Variants in IFI16 observed in about 807,000 individuals in gnomAD.
IFI16 encodes gamma-interferon-inducible protein 16.
In IFI16, 49 loss-of-function variants were observed where a neutral mutation model predicts 68.4. The observed-to-expected ratio is 0.72, with a 90% CI of 0.57 to 0.91. The LOEUF (loss-of-function observed/expected upper bound fraction) is 0.91, where lower values mean the gene tolerates loss of function less well. Among genes scored for constraint, IFI16 ranks in the 40% least tolerant of loss-of-function variants. The pLI is 0.00. For synonymous variants in IFI16, 307 were observed against 315.0 expected (o/e 0.97, Z 0.27); for missense variants, 878 against 942.9 (o/e 0.93, Z 0.90).
chr1:159,006,037 C>G (rs910123774), upstream of IFI16: 1 of 152,342 alleles, frequency 6.6e-6, no homozygotes, highest in Admixed American at 6.5e-5. Context: ...AAGACTGCCT[C>G]CTGTGTAAGT....
In IFI16 at chr1:159,051,807, A is replaced by G; in HGVS notation, c.1794A>G (p.Lys598=). The G allele has an allele frequency of 6.2e-7, 1 of 1,614,160 alleles. No homozygotes were observed. The highest frequency in any genetic ancestry group is 8.5e-7 in the Non-Finnish European group (1 of 1,179,982). Reference sequence around the variant, plus strand: ...TATATGAGCCCAAAGAGCAGAAGAAAATGTTTCATGCCACAGTGGCAACTG... The same window carrying G: ...TATATGAGCCCAAAGAGCAGAAGAAGATGTTTCATGCCACAGTGGCAACTG... ...SFVYEPKEQK[K]MFHATVATEN... is the part of the protein sequence containing the mutation. Residue 598 remains lysine (K), a synonymous_variant, in exon 10 of 12, where the codon AAA becomes AAG. Transcript: ENST00000295809.
Position 159,016,690 on chromosome 1 carries a change from C to G in IFI16, c.539C>G (p.Ser180Cys). 1 of 1,613,296 alleles carries G rather than the reference C, an allele frequency of 6.2e-7. No homozygotes were observed. Among genetic ancestry groups the G allele is most frequent in the Non-Finnish European group, 8.5e-7 (1 of 1,179,658 alleles). The change falls in exon 4 of 12, where the codon TCT becomes TGT. Residue 180 changes from serine (S) to cysteine (C), a missense_variant. By Grantham distance (112) the Ser-to-Cys change is moderately radical (BLOSUM62 -1). Around this residue, in one of 4 missense-constraint regions of IFI16, gnomAD observed 443 missense variants for 421.8 expected, o/e 1.05. Transcript: ENST00000295809. ...TCATTGTCAGCTCCACCCAACAGTT[C>G]TTCAACTGAGGTACACTCTTCCTGG... ...KTSLSAPPNSSSTENPKTVAK... is the reference protein window; with the variant it reads ...KTSLSAPPNSCSTENPKTVAK...
intron 5 of IFI16, among the ~76,000 whole-genome samples, chr1:159,018,988 C>T (rs1299596609): frequency 6.6e-6 from 1 of 152,138 alleles, no homozygotes; most frequent in South Asian, 2.1e-4. Context: ...CTAAGTTTAT[C>T]CCTTTGATTA....
intron 7 of IFI16, among the ~76,000 whole-genome samples, chr1:159,042,354 A>T (rs191941829): frequency 4.3e-4 from 66 of 152,256 alleles, no homozygotes; most frequent in Non-Finnish European, 7.9e-4. Context: ...AATAGGAATA[A>T]TTGCTATTTT....
intron 7 of IFI16, among the ~76,000 whole-genome samples, chr1:159,044,374 A>G (rs1654852538): frequency 6.6e-6 from 1 of 152,168 alleles, no homozygotes; most frequent in South Asian, 2.1e-4. Context: ...TTTTTAAACA[A>G]TTTTGAAAAT....
upstream of IFI16, among the ~76,000 whole-genome samples, chr1:159,008,237 A>G (rs895434058): frequency 1.3e-5 from 2 of 152,192 alleles, no homozygotes; most frequent in African/African-American, 4.8e-5. Flanking sequence ...AGTCACTGTA[A>G]TAATGTAGCT....
rs143730717 is a variant in IFI16 at position 159,028,406 on chromosome 1, T to C, written c.1162-4118T>C. On this transcript the variant is annotated intron_variant, in intron 6 of 11. Transcript: ENST00000295809. ...ATATAATTTCAATTTTTTTTTTAAA[T>C]TTTTGAGACTTGTTTTGTGGCCTAT... Among the ~76,000 whole-genome samples, 520 of 152,272 alleles carry C rather than the reference T, an allele frequency of 3.4e-3. 2 individuals are homozygous for C. The highest frequency in any genetic ancestry group is 0.011 in the African/African-American group (458 of 41,558).
At chr1:159,016,820 G>T in intron 4 of IFI16, 120 bp downstream of exon 4, 1 of 851,892 alleles carries the variant, frequency 1.2e-6, no homozygotes, top group South Asian at 1.7e-5. Context: ...TACATATTGA[G>T]AAACCACTAC....
At chr1:159,041,348 C>T (rs992680208) in intron 7 of IFI16, among the ~76,000 whole-genome samples, 4 of 152,150 alleles carry the variant, frequency 2.6e-5, no homozygotes, top group East Asian at 3.9e-4. Context: ...AGAATCTTGA[C>T]GATTTCAGTT....
At chr1:159,018,156 G>A (rs1653054984) in intron 4 of IFI16, 73 bp from the exon 5 acceptor site, 5 of 1,306,988 alleles carry the variant, frequency 3.8e-6, no homozygotes. Flanking sequence ...GTGTTATACT[G>A]AGGTCACTGA....
At chr1:159,033,164 T>A (rs1268676304) in intron 7 of IFI16, among the ~76,000 whole-genome samples, 1 of 152,164 alleles carries the variant, frequency 6.6e-6, no homozygotes, top group Non-Finnish European at 1.5e-5. Flanking sequence ...CTGGTGAGAA[T>A]CTCCTTAAAT....
In IFI16 at chr1:159,018,220, C is replaced by G. The variant is rs1402056311; in HGVS notation, c.550-9C>G. ...ATTTTTCTTTGTTCTCCTGTGCTAT[C>G]ATACACAGAACCCGAAAACAGTGGC... On this transcript the variant is annotated splice_polypyrimidine_tract_variant and intron_variant, in intron 4 of 11. Coordinates refer to ENST00000295809, the MANE Select transcript of IFI16 (RefSeq NM_001376587.1). 4 of 1,610,666 alleles carry G rather than the reference C, an allele frequency of 2.5e-6. No individual in the cohort carries two copies. In the Admixed American group the frequency reaches 6.7e-5, roughly 27 times the overall value.
intron 7 of IFI16, among the ~76,000 whole-genome samples, chr1:159,044,512 A>T (rs936414214): frequency 4.6e-5 from 7 of 152,268 alleles, no homozygotes; most frequent in Admixed American, 2.6e-4. Flanking sequence ...CTCTCTATCA[A>T]CAATTGCCAC....
At chr1:159,017,947 T>C (rs546216741) in intron 4 of IFI16, among the ~76,000 whole-genome samples, 37 of 152,360 alleles carry the variant, frequency 2.4e-4, no homozygotes, top group African/African-American at 8.2e-4. Context: ...TGGCTTTCAG[T>C]ATCCACTGGT....
chr1:159,021,923 T>A (rs183456167), intron 6 of IFI16, among the ~76,000 whole-genome samples: 111 of 150,102 alleles, frequency 7.4e-4, no homozygotes, highest in African/African-American at 2.6e-3. Flanking sequence ...TCTATTCATG[T>A]CCTTAGCCCT....
chr1:159,051,655 A>C lies in IFI16; in HGVS notation c.1666-24A>C, dbSNP rs3737522. The C allele has an allele frequency of 1.9e-6, 3 of 1,580,968 alleles. No individual in the cohort carries two copies. In the South Asian group the frequency reaches 3.4e-5, roughly 18 times the overall value. On this transcript the variant is annotated intron_variant, in intron 9 of 11. Transcript: ENST00000295809. ...TGTTTTTCCTGTTTTAATTGTGCCT[A>C]TGTTTTGGTCTCTACCTTCTAAGTT...
intron 7 of IFI16, among the ~76,000 whole-genome samples, chr1:159,041,545 T>A (rs551725815): frequency 2.0e-5 from 3 of 152,254 alleles, no homozygotes; most frequent in African/African-American, 4.8e-5. Flanking sequence ...TTATAAATAC[T>A]CCTCAGTTTG....
intron 10 of IFI16, 166 bp from the exon 11 acceptor site, chr1:159,053,367 G>A (rs1388709978): frequency 2.3e-6 from 1 of 442,260 alleles, no homozygotes; most frequent in African/African-American, 2.0e-5. Context: ...TTGAAAGGCA[G>A]GATTCAAAGA....
At chr1:159,001,600 G>C (rs912507715), upstream of IFI16, among the ~76,000 whole-genome samples, 2 of 152,082 alleles carry the variant, frequency 1.3e-5, no homozygotes, top group Non-Finnish European at 2.9e-5. Context: ...TCTTACCAGT[G>C]AAAGAAAAGA....
Sources: allele counts gnomAD v4.1 joint callset (sites outside exome capture counted in the v4.1 genomes callset), GRCh38; gene constraint gnomAD v4.1.1; regional missense constraint gnomAD v4.1.1; transcripts MANE v1.5; gene names NCBI Gene and HGNC (gene_info 2026-07-23, HGNC 2026-07-21).